The following CSMD1 variants were observed in gnomAD, a reference collection of about 807,000 sequenced individuals.
CSMD1 encodes the protein CUB and Sushi multiple domains 1, also known as CUB and sushi domain-containing protein 1.
Under a neutral mutation model 417.5 loss-of-function variants are expected in CSMD1, and 213 were observed. The observed-to-expected ratio is 0.51, with a 90% CI of 0.46 to 0.57. The LOEUF (loss-of-function observed/expected upper bound fraction) is 0.57. CSMD1 is among the 20% of genes least tolerant of loss of function. CSMD1 has a pLI of 0.00. For missense variants in CSMD1, 6,923 were observed against 4,529.7 expected, an observed-to-expected ratio of 1.53 and a Z score of -15.17; for synonymous variants, 2,862 against 1,736.8, an observed-to-expected ratio of 1.65 and a Z score of -16.11.
At chr8:4,766,018 T>TA (rs1180572634) in intron 1 of CSMD1, among the ~76,000 whole-genome samples, 2 of 152,208 alleles carry the variant, frequency 1.3e-5, no homozygotes, top group African/African-American at 2.4e-5. Flanking sequence ...CAAATATATA[T>TA]TTTTTAATCT....
intron 3 of CSMD1, among the ~76,000 whole-genome samples, chr8:4,415,022 CA>C (rs1396457873): frequency 1.3e-5 from 2 of 152,128 alleles, no homozygotes; most frequent in Non-Finnish European, 2.9e-5. Flanking sequence ...CATAGGCAAG[CA>C]AAAATGCTAT....
At chr8:3,725,229 G>C (rs575542095) in intron 6 of CSMD1, among the ~76,000 whole-genome samples, 137 of 152,202 alleles carry the variant, frequency 9.0e-4, no homozygotes, top group Non-Finnish European at 1.5e-3. Context: ...AGTGTTGCTA[G>C]GAAGGCCCTC....
chr8:3,136,259 T>TA (rs1016839422), intron 41 of CSMD1, among the ~76,000 whole-genome samples: 1 of 151,410 alleles, frequency 6.6e-6, no homozygotes, highest in African/African-American at 2.4e-5. Flanking sequence ...TTTTTCTTTT[T>TA]TTTTTTTTGC....
At chr8:3,204,387 G>C (rs1173950788) in intron 31 of CSMD1, among the ~76,000 whole-genome samples, 2 of 134,676 alleles carry the variant, frequency 1.5e-5, no homozygotes, top group Non-Finnish European at 3.2e-5. Flanking sequence ...GAATACTGCT[G>C]AGCATTTAGG....
chr8:4,073,252 A>C (rs1799651383), intron 3 of CSMD1, among the ~76,000 whole-genome samples: 1 of 152,202 alleles, frequency 6.6e-6, no homozygotes. Flanking sequence ...AAATGATGAG[A>C]AGGTAAAAAT....
At chr8:4,826,967 A>C (rs1295275509) in intron 1 of CSMD1, among the ~76,000 whole-genome samples, 1 of 152,110 alleles carries the variant, frequency 6.6e-6, no homozygotes, top group East Asian at 1.9e-4. Flanking sequence ...TGCTCACTAC[A>C]CGTTGAATAC....
chr8:3,641,221 C>A (rs991838731), intron 7 of CSMD1, among the ~76,000 whole-genome samples: 4 of 151,968 alleles, frequency 2.6e-5, no homozygotes, highest in Non-Finnish European at 5.9e-5. Flanking sequence ...AGACTTTCCA[C>A]TTGGCTGCTT....
intron 1 of CSMD1, among the ~76,000 whole-genome samples, chr8:4,935,474 A>C (rs1807551650): frequency 6.6e-6 from 1 of 152,242 alleles, no homozygotes. Flanking sequence ...TCAGAAACTA[A>C]GTCTTTCAGT....
chr8:4,918,621 C>T (rs60853058), intron 1 of CSMD1, among the ~76,000 whole-genome samples: 2,348 of 152,202 alleles, frequency 0.015, 67 homozygotes, highest in African/African-American at 0.053. Flanking sequence ...AGCTGAATCA[C>T]GTTACTTCAG....
intron 12 of CSMD1, among the ~76,000 whole-genome samples, chr8:3,413,755 G>A (rs1380619395): frequency 3.3e-5 from 5 of 152,142 alleles, no homozygotes; most frequent in African/African-American, 1.2e-4. Context: ...TAGAGTAGAA[G>A]ATGAGTAAGA....
chr8:3,971,339 T>A (rs1354005388), intron 5 of CSMD1, among the ~76,000 whole-genome samples: 2 of 152,186 alleles, frequency 1.3e-5, no homozygotes, highest in African/African-American at 4.8e-5. Flanking sequence ...CCGGTTCACA[T>A]GTGTTCTCTT....
At chr8:3,649,916 T>A (rs759284820) in intron 7 of CSMD1, among the ~76,000 whole-genome samples, 7 of 151,824 alleles carry the variant, frequency 4.6e-5, no homozygotes, top group Non-Finnish European at 1.0e-4. Flanking sequence ...TTGTGCATGG[T>A]ATATGTAACT....
intron 1 of CSMD1, among the ~76,000 whole-genome samples, chr8:4,737,468 G>T (rs1191758767): frequency 6.6e-6 from 1 of 151,936 alleles, no homozygotes; most frequent in African/African-American, 2.4e-5. Context: ...TAACAAACCT[G>T]CACCTGTACC....
intron 5 of CSMD1, among the ~76,000 whole-genome samples, chr8:3,833,489 A>T (rs554958091): frequency 6.6e-6 from 1 of 152,088 alleles, no homozygotes; most frequent in African/African-American, 2.4e-5. Context: ...TCCTACTATA[A>T]CAAAGCCCTT....
At chr8:3,972,897 A>AAC in intron 5 of CSMD1, among the ~76,000 whole-genome samples, 1 of 152,236 alleles carries the variant, frequency 6.6e-6, no homozygotes, top group African/African-American at 2.4e-5. Flanking sequence ...CAAAATGTAA[A>AAC]AATGGAAAAC....
At chr8:4,402,348 CCT>C (rs1804700079) in intron 3 of CSMD1, among the ~76,000 whole-genome samples, 1 of 152,070 alleles carries the variant, frequency 6.6e-6, no homozygotes, top group Non-Finnish European at 1.5e-5. Context: ...CACTCCTTCC[CCT>C]GACTGCACCC....
intron 2 of CSMD1, among the ~76,000 whole-genome samples, chr8:4,424,106 G>A (rs1017746305): frequency 6.6e-6 from 1 of 151,892 alleles, no homozygotes; most frequent in Non-Finnish European, 1.5e-5. Flanking sequence ...GAAAAAAATA[G>A]GGGAAAGGCT....
chr8:4,131,069 G>A (rs961502075), intron 3 of CSMD1, among the ~76,000 whole-genome samples: 1 of 152,166 alleles, frequency 6.6e-6, no homozygotes. Context: ...TTTTAGAAAT[G>A]CCTCAGAGAA....
intron 2 of CSMD1, among the ~76,000 whole-genome samples, chr8:4,522,338 C>A (rs1000181932): frequency 3.3e-5 from 5 of 152,156 alleles, no homozygotes; most frequent in African/African-American, 4.8e-5. Flanking sequence ...TCTAATCAAG[C>A]CTCTTGCTTT....
Sources: gnomAD v4.1 joint callset for allele counts (sites outside exome capture counted in the v4.1 genomes callset) on GRCh38, gnomAD v4.1.1 for gene constraint, MANE v1.5 for transcripts, NCBI Gene and HGNC (gene_info 2026-07-23, HGNC 2026-07-21) for gene names.